Variants in MMP12 observed in about 807,000 individuals in gnomAD.
MMP12 encodes matrix metallopeptidase 12.
MMP12 carries 51 observed loss-of-function variants against 45.2 expected under a neutral mutation model. The ratio of observed to expected loss-of-function variants is 1.13; its 90% CI spans 0.90 to 1.42. MMP12 has a LOEUF of 1.42. MMP12 is among the 40% of genes most tolerant of loss of function. The pLI is 0.00. For missense variants in MMP12, 530 were observed against 570.8 expected (o/e 0.93, Z 0.73); for synonymous variants, 210 against 193.3 (o/e 1.09, Z -0.72).
chr11:102,874,041 A>AG (rs1490668413), intron 1 of MMP12, among the ~76,000 whole-genome samples: 4 of 151,496 alleles, frequency 2.6e-5, no homozygotes, highest in African/African-American at 9.7e-5. Flanking sequence ...AAAAAAAAAA[A>AG]AAAAGAAAAA....
At chr11:102,866,882 C>G (rs1464392106) in intron 6 of MMP12, among the ~76,000 whole-genome samples, 1 of 152,124 alleles carries the variant, frequency 6.6e-6, no homozygotes, top group Non-Finnish European at 1.5e-5. Flanking sequence ...AAGAAAGAAA[C>G]CATAAGTTAT....
rs570000197 is a variant in MMP12, at chr11:102,872,893, C to T, written c.322G>A (p.Val108Ile). 1.3e-5 allele frequency: 21 copies of T among 1,613,746 alleles called. No homozygotes were observed. The highest frequency in any genetic ancestry group is 9.9e-5 in the South Asian group (9 of 91,022). ...TAGGTGATATAATGTTTCCTCCATACGGGCCCCCCTGGCATTTCCCTGAAA... is the reference window on the plus strand; with the variant it reads ...TAGGTGATATAATGTTTCCTCCATATGGGCCCCCCTGGCATTTCCCTGAAA... ...HHFREMPGGP[V>I]WRKHYITYRI... The change falls in exon 2 of 10, where the codon GTA becomes ATA. Residue 108 changes from valine (V) to isoleucine (I), a missense_variant. Val to Ile is a conservative substitution (Grantham distance 29). Coordinates refer to ENST00000571244, the MANE Select transcript of MMP12 (RefSeq NM_002426.6).
In MMP12 at chr11:102,863,255, C is replaced by G. The variant is rs1315995876; in HGVS notation, c.1313-55G>C. 1.1e-5 allele frequency: 10 copies of G among 943,688 alleles called. No homozygotes were observed. The African/African-American group carries it at 1.6e-4, about 15-fold the overall frequency. The allele number at this position is 943,688 out of a possible 1,614,324, so 58.5% of individuals were successfully genotyped here. On this transcript the variant is annotated intron_variant, in intron 9 of 9. Transcript: ENST00000571244. Reference sequence around the variant, plus strand: ...ATTCCCTCCCTGTATTTCTTTACAACAACAACAACAACACAAATCTCTTCT... The same window carrying G: ...ATTCCCTCCCTGTATTTCTTTACAAGAACAACAACAACACAAATCTCTTCT...
intron 4 of MMP12, among the ~76,000 whole-genome samples, chr11:102,871,226 T>C (rs1487541826): frequency 3.3e-5 from 5 of 151,770 alleles, no homozygotes; most frequent in African/African-American, 1.2e-4. Flanking sequence ...CAAGACCTTG[T>C]CTCAAAAAAA....
At chr11:102,863,528 T>C (rs915742523) in intron 9 of MMP12, among the ~76,000 whole-genome samples, 2 of 152,054 alleles carry the variant, frequency 1.3e-5, no homozygotes, top group Non-Finnish European at 2.9e-5. Flanking sequence ...CAACAGCCAG[T>C]CATACTCCAA....
At position 102,874,822 on chromosome 11, in the gene MMP12, G is replaced by A. The variant is rs199995176; in HGVS notation, c.102+14C>T. On this transcript the variant is annotated intron_variant, in intron 1 of 9. Coordinates refer to ENST00000571244, the MANE Select transcript of MMP12 (RefSeq NM_002426.6). ...AACATCAAGCTCGATAAATACTGTA[G>A]TGTCCATACTTACTTCACCAAATAG... 5.5e-4 allele frequency: 799 copies of A among 1,464,022 alleles called. 1 individual carries two copies. The highest frequency in any genetic ancestry group is 7.2e-4 in the South Asian group (61 of 84,208). 90.7% of individuals were successfully genotyped at this position (1,464,022 alleles called of 1,614,324 possible).
At position 102,871,918 on chromosome 11, in the gene MMP12, C is replaced by A. The variant is rs370884462; in HGVS notation, c.385G>T (p.Asp129Tyr). ...NNYTPDMNRE[D>Y]VDYAIRKAFQ... ...GCTTTCCGGATTGCGTAGTCAACATCCTCACGGTTCATGTCAGGTGTGTAA... is the reference window on the plus strand; with the variant it reads ...GCTTTCCGGATTGCGTAGTCAACATACTCACGGTTCATGTCAGGTGTGTAA... Residue 129 changes from aspartate (D) to tyrosine (Y), a missense_variant, in exon 3 of 10, where the codon GAT becomes TAT. Physicochemically the swap from Asp to Tyr is radical, Grantham distance 160. Coordinates refer to ENST00000571244, the MANE Select transcript of MMP12 (RefSeq NM_002426.6). 4 of 1,613,212 alleles carry A rather than the reference C, an allele frequency of 2.5e-6. No homozygotes were observed. Among genetic ancestry groups the A allele is most frequent in the African/African-American group, 1.3e-5 (1 of 74,876 alleles).
At chr11:102,868,557 A>G (rs1423951908) in intron 4 of MMP12, among the ~76,000 whole-genome samples, 2 of 152,194 alleles carry the variant, frequency 1.3e-5, no homozygotes, top group African/African-American at 4.8e-5. Context: ...AAATGTCTTT[A>G]GCAATCGTCT....
chr11:102,863,770 G>T (rs1364387676), intron 9 of MMP12, among the ~76,000 whole-genome samples: 8 of 152,348 alleles, frequency 5.3e-5, no homozygotes, highest in South Asian at 2.1e-4. Context: ...TATAGGAAAG[G>T]TCAAGAGTGC....
chr11:102,870,588 A>G (rs1859475338), intron 4 of MMP12, among the ~76,000 whole-genome samples: 1 of 152,208 alleles, frequency 6.6e-6, no homozygotes. Context: ...CAATAGAAAA[A>G]TTAAGAAGGC....
At position 102,866,438 on chromosome 11, in the gene MMP12, G is replaced by T. The variant is rs1384924559; in HGVS notation, c.922C>A (p.Leu308Met). ...IFFFKDRFFW[L>M]KVSERPKTSV... ...GTCTTTGGTCTCTCAGAAACCTTCA[G>T]CCAGAAGAACCTGACATGAAAGACA... Residue 308 changes from leucine (L) to methionine (M), a missense_variant, in exon 7 of 10, where the codon CTG becomes ATG. By Grantham distance (15) the Leu-to-Met change is conservative. Transcript: ENST00000571244. 10 of 1,610,432 alleles carry T rather than the reference G, an allele frequency of 6.2e-6. No homozygotes were observed. The highest frequency in any genetic ancestry group is 1.6e-4 in the Middle Eastern group (1 of 6,080).
intron 7 of MMP12, 101 bp downstream of exon 7, chr11:102,866,213 GA>G: frequency 8.5e-7 from 1 of 1,174,932 alleles, no homozygotes. Flanking sequence ...ATAAAATCAA[GA>G]GTGCTTTCTT....
chr11:102,864,135 C>T lies in MMP12; in HGVS notation c.1312+11G>A, dbSNP rs782321983. On this transcript the variant is annotated intron_variant, in intron 9 of 9. Coordinates refer to ENST00000571244, the MANE Select transcript of MMP12 (RefSeq NM_002426.6). ...ATTTCCAGTATCTTCATGGTTTCCT[C>T]ATCTACTTACTGTTTTTAGAGTAGA... is the stretch of plus-strand genomic sequence containing the variant. 6.5e-7 allele frequency: 1 copy of T among 1,536,280 alleles called. No individual in the cohort carries two copies. The highest frequency in any genetic ancestry group is 9.0e-7 in the Non-Finnish European group (1 of 1,109,360).
intron 2 of MMP12, 94 bp downstream of exon 2, chr11:102,872,771 C>T: frequency 7.3e-7 from 1 of 1,375,464 alleles, no homozygotes; most frequent in Non-Finnish European, 9.8e-7. Flanking sequence ...GTTACTTTAT[C>T]TACTTCCAGA....
Position 102,864,225 on chromosome 11 carries a change from G to A in MMP12, c.1233C>T (p.Asp411=). The A allele has an allele frequency of 6.2e-7, 1 of 1,613,602 alleles. No homozygotes were observed. The highest frequency in any genetic ancestry group is 8.5e-7 in the Non-Finnish European group (1 of 1,179,652). The part of the protein sequence containing the change: ...WRYDERRQMM[D]PGYPKLITKN... ...TGGTAATCAGTTTGGGATAACCAGG[G>A]TCCATCATCTGTCTCCTTTCATCAT... Residue 411 remains aspartate, a synonymous_variant, in exon 9 of 10, where the codon GAC becomes GAT. Coordinates refer to ENST00000571244, the MANE Select transcript of MMP12 (RefSeq NM_002426.6).
At chr11:102,871,319 C>G (rs542412447) in intron 4 of MMP12, among the ~76,000 whole-genome samples, 68 of 152,200 alleles carry the variant, frequency 4.5e-4, no homozygotes, top group African/African-American at 1.6e-3. Flanking sequence ...AATGAACTAG[C>G]TCATAGTTCA....
chr11:102,866,744 G>A (rs1447419202), intron 6 of MMP12, among the ~76,000 whole-genome samples: 11 of 152,066 alleles, frequency 7.2e-5, no homozygotes, highest in African/African-American at 2.7e-4. Flanking sequence ...GTAACCTCAA[G>A]GAAGTCACTA....
At chr11:102,874,139 C>A (rs1223948436) in intron 1 of MMP12, among the ~76,000 whole-genome samples, 2 of 150,050 alleles carry the variant, frequency 1.3e-5, no homozygotes, top group Admixed American at 1.3e-4. Context: ...CAAAGCTAAA[C>A]AAAATGGATA....
At chr11:102,866,963 C>T (rs1365118340) in intron 6 of MMP12, among the ~76,000 whole-genome samples, 1 of 152,172 alleles carries the variant, frequency 6.6e-6, no homozygotes, top group Non-Finnish European at 1.5e-5. Flanking sequence ...GTCTTGGTTT[C>T]AGACTTCACC....
Sources: gnomAD v4.1 joint callset for allele counts (sites outside exome capture counted in the v4.1 genomes callset) on GRCh38, gnomAD v4.1.1 for gene constraint, MANE v1.5 for transcripts, NCBI Gene and HGNC (gene_info 2026-07-23, HGNC 2026-07-21) for gene names.